Variants in FTO observed in about 807,000 individuals in gnomAD.
FTO encodes the protein FTO alpha-ketoglutarate dependent dioxygenase, also known as alpha-ketoglutarate-dependent dioxygenase FTO.
In FTO, 47 loss-of-function variants were observed where a neutral mutation model predicts 63.9. The ratio of observed to expected loss-of-function variants is 0.74; its 90% confidence interval spans 0.58 to 0.94. The LOEUF (loss-of-function observed/expected upper bound fraction) is 0.94. FTO is among the 40% of genes least tolerant of loss of function. The probability of loss-of-function intolerance (pLI) is 0.00; values close to 1 mark genes in which losing one functional copy is unlikely to be tolerated. For missense variants in FTO, 562 were observed against 618.1 expected, an observed-to-expected ratio of 0.91 and a Z score of 0.96; for synonymous variants, 207 against 224.4, an observed-to-expected ratio of 0.92 and a Z score of 0.69.
At chr16:53,706,479 C>G (rs966618165) in intron 1 of FTO, among the ~76,000 whole-genome samples, 2 of 152,158 alleles carry the variant, frequency 1.3e-5, no homozygotes. Context: ...TTTTTTGTCT[C>G]TGTAGATGCA....
chr16:53,885,237 A>G (rs944506598), intron 6 of FTO, among the ~76,000 whole-genome samples: 3 of 152,144 alleles, frequency 2.0e-5, no homozygotes, highest in Admixed American at 1.3e-4. Flanking sequence ...AAGCAGGTGG[A>G]GATTTTTTTT....
chr16:53,717,048 T>C (rs2075911019), intron 1 of FTO, among the ~76,000 whole-genome samples: 2 of 151,932 alleles, frequency 1.3e-5, no homozygotes, highest in Non-Finnish European at 2.9e-5. Context: ...ATTCCAATTG[T>C]ATAGTATTTT....
chr16:53,829,309 T>C (rs2079086145), intron 3 of FTO, among the ~76,000 whole-genome samples: 1 of 152,248 alleles, frequency 6.6e-6, no homozygotes, highest in East Asian at 1.9e-4. Flanking sequence ...CCACATCTGC[T>C]GTAGCTTTCC....
At position 53,829,756 on chromosome 16, in the gene FTO, G is replaced by A. The variant is rs188413264; in HGVS notation, c.751+3265G>A. Among the ~76,000 whole-genome samples the A allele has an allele frequency of 4.1e-4, 62 of 152,152 alleles. 1 individual carries two copies. Among genetic ancestry groups the A allele is most frequent in the Non-Finnish European group, 8.1e-4 (55 of 68,008 alleles). On this transcript the variant is annotated intron_variant, in intron 3 of 8. Coordinates refer to ENST00000471389, the MANE Select transcript of FTO (RefSeq NM_001080432.3). ...CTTTCTCACTTTGAGGTAATAGGGA[G>A]GTAATAGGTGGGCTCTCGTGATTAT...
intron 8 of FTO, among the ~76,000 whole-genome samples, chr16:53,960,476 A>G (rs1325586626): frequency 6.6e-6 from 1 of 152,210 alleles, no homozygotes; most frequent in Non-Finnish European, 1.5e-5. Flanking sequence ...TCTCCCATTT[A>G]CTAGACTTTC....
chr16:54,013,188 G>A (rs984828183), intron 8 of FTO, among the ~76,000 whole-genome samples: 13 of 152,096 alleles, frequency 8.5e-5, no homozygotes, highest in African/African-American at 2.7e-4. Context: ...CAACCCTCAC[G>A]GATGACTTTG....
chr16:54,033,411 A>G (rs1222502212), intron 8 of FTO, among the ~76,000 whole-genome samples: 1 of 152,208 alleles, frequency 6.6e-6, no homozygotes, highest in Non-Finnish European at 1.5e-5. Context: ...TGAAGCAAAA[A>G]AATAAAAACA....
chr16:53,852,099 T>TAAAAAAAAAAAAAA (rs2079817355), intron 4 of FTO, among the ~76,000 whole-genome samples: 1 of 21,010 alleles, frequency 4.8e-5, no homozygotes, highest in African/African-American at 3.1e-4. Flanking sequence ...CTACAAAAAA[T>TAAAAAAAAAAAAAA]ACAAAAAAAA....
At chr16:53,837,335 G>A (rs1038583779) in intron 3 of FTO, among the ~76,000 whole-genome samples, 4 of 152,102 alleles carry the variant, frequency 2.6e-5, no homozygotes, top group African/African-American at 4.8e-5. Context: ...GATGTTGAAG[G>A]GCTTTAGATT....
intron 8 of FTO, among the ~76,000 whole-genome samples, chr16:54,057,744 T>A (rs1230116526): frequency 6.6e-6 from 1 of 152,156 alleles, no homozygotes; most frequent in Non-Finnish European, 1.5e-5. Flanking sequence ...ATGCTTTGTA[T>A]GCTCGCCCGA....
At chr16:53,902,349 T>G (rs1034888551) in intron 7 of FTO, among the ~76,000 whole-genome samples, 1 of 152,122 alleles carries the variant, frequency 6.6e-6, no homozygotes, top group African/African-American at 2.4e-5. Flanking sequence ...CAGAAGGATG[T>G]AGGCTTTTCT....
chr16:53,996,670 G>A (rs1434328499), intron 8 of FTO, among the ~76,000 whole-genome samples: 5 of 152,126 alleles, frequency 3.3e-5, no homozygotes, highest in Non-Finnish European at 7.4e-5. Context: ...AAGGAAAGAG[G>A]TTTAATTGAC....
At position 53,889,015 on chromosome 16, in the gene FTO, C is replaced by T; in HGVS notation, c.1239+64C>T. The T allele has an allele frequency of 3.9e-6, 6 of 1,558,176 alleles. No individual in the cohort carries two copies. In the South Asian group the frequency reaches 6.7e-5, roughly 17 times the overall value. ...CTGTGTTATACAAATCCTCCACTGC[C>T]TCATTTGCTTAGGCAAATGTAGATT... On this transcript the variant is annotated intron_variant, in intron 7 of 8. Transcript: ENST00000471389.
At chr16:53,826,911 A>G (rs1258882212) in intron 3 of FTO, among the ~76,000 whole-genome samples, 1 of 152,168 alleles carries the variant, frequency 6.6e-6, no homozygotes, top group African/African-American at 2.4e-5. Flanking sequence ...CCAGGTTCCC[A>G]CAGGTGCACA....
chr16:53,834,279 C>T (rs369263074), intron 3 of FTO, among the ~76,000 whole-genome samples: 6 of 152,280 alleles, frequency 3.9e-5, no homozygotes, highest in African/African-American at 1.2e-4. Flanking sequence ...CTGTCTCGGC[C>T]TCCCAAAGTG....
At chr16:54,003,325 A>G (rs1291252449) in intron 8 of FTO, among the ~76,000 whole-genome samples, 1 of 152,236 alleles carries the variant, frequency 6.6e-6, no homozygotes, top group Non-Finnish European at 1.5e-5. Flanking sequence ...CTATGGGAAG[A>G]AGAAAGGATC....
chr16:53,752,955 G>A, intron 1 of FTO, among the ~76,000 whole-genome samples: 1 of 149,808 alleles, frequency 6.7e-6, no homozygotes, highest in Non-Finnish European at 1.5e-5. Context: ...TTCGTTGAGG[G>A]CTTTAAAAAA....
chr16:54,041,455 A>G (rs2085072650), intron 8 of FTO, among the ~76,000 whole-genome samples: 2 of 152,320 alleles, frequency 1.3e-5, no homozygotes, highest in Middle Eastern at 6.8e-3. Context: ...AAACCATATC[A>G]CATGTTAAAC....
At chr16:53,895,621 C>G (rs187048136) in intron 7 of FTO, among the ~76,000 whole-genome samples, 2 of 152,272 alleles carry the variant, frequency 1.3e-5, no homozygotes, top group Admixed American at 1.3e-4. Context: ...GAGGATACAT[C>G]CAGTGACAGT....
Sources: gnomAD v4.1 joint callset for allele counts (sites outside exome capture counted in the v4.1 genomes callset) on GRCh38, gnomAD v4.1.1 for gene constraint, MANE v1.5 for transcripts, NCBI Gene and HGNC (gene_info 2026-07-23, HGNC 2026-07-21) for gene names.